GPC4: variants seen among roughly 807,000 people sequenced by gnomAD.
GPC4 encodes the protein glypican-4.
A neutral mutation model predicts 35.0 loss-of-function variants in GPC4; 10 were observed. The observed-to-expected ratio is 0.29, with a 90% CI of 0.18 to 0.48. The LOEUF (loss-of-function observed/expected upper bound fraction) is 0.48, where lower values mean the gene tolerates loss of function less well. GPC4 is among the 20% of genes least tolerant of loss of function. The probability of loss-of-function intolerance (pLI) is 0.99; values close to 1 mark genes in which losing one functional copy is unlikely to be tolerated. For missense variants in GPC4, 322 were observed against 451.3 expected (o/e 0.71, Z 2.60); for synonymous variants, 167 against 170.2 (o/e 0.98, Z 0.15).
At chrX:133,339,907 A>G (rs1442939828) in intron 1 of GPC4, among the ~76,000 whole-genome samples, 1 of 112,350 alleles carries the variant, frequency 8.9e-6, no homozygotes, top group African/African-American at 3.2e-5. Flanking sequence ...AGCCTATGAT[A>G]AATCACAAAG....
chrX:133,414,569 G>A, intron 1 of GPC4: 5 of 753,820 alleles, frequency 6.6e-6, no homozygotes, highest in Non-Finnish European at 7.8e-6. Context: ...TGGGCAACCC[G>A]GCGGCGCCCC....
chrX:133,372,499 T>C (rs2068617123), intron 1 of GPC4, among the ~76,000 whole-genome samples: 1 of 110,884 alleles, frequency 9.0e-6, no homozygotes, highest in Non-Finnish European at 1.9e-5. Flanking sequence ...TCCATCTGCC[T>C]TGATAGTTGA....
chrX:133,352,969 T>C (rs759339333), intron 1 of GPC4, among the ~76,000 whole-genome samples: 36 of 111,921 alleles, frequency 3.2e-4, no homozygotes, highest in Middle Eastern at 4.6e-3. Context: ...ACTTATGACA[T>C]AAAAAAATTT....
intron 1 of GPC4, among the ~76,000 whole-genome samples, chrX:133,378,044 A>G (rs1202730325): frequency 9.2e-6 from 1 of 108,335 alleles, no homozygotes; most frequent in Non-Finnish European, 1.9e-5. Flanking sequence ...ACAGGTGTGC[A>G]CCACCACACC....
intron 1 of GPC4, among the ~76,000 whole-genome samples, chrX:133,342,318 C>T (rs1401330075): frequency 1.8e-5 from 2 of 110,596 alleles, no homozygotes; most frequent in African/African-American, 6.6e-5. Context: ...ATTACAGGCG[C>T]GAGCCACCAT....
At chrX:133,401,551 C>G (rs2068767876) in intron 1 of GPC4, among the ~76,000 whole-genome samples, 1 of 112,121 alleles carries the variant, frequency 8.9e-6, no homozygotes, top group African/African-American at 3.2e-5. Context: ...ATTCAGATTA[C>G]AAGAAAATTG....
intron 3 of GPC4, among the ~76,000 whole-genome samples, chrX:133,323,631 G>A (rs1384336432): frequency 2.7e-5 from 3 of 112,514 alleles, no homozygotes; most frequent in African/African-American, 9.7e-5. Context: ...CAACAGCAGT[G>A]TAGTCCACAC....
intron 1 of GPC4, among the ~76,000 whole-genome samples, chrX:133,358,144 G>T (rs1424474754): frequency 8.9e-6 from 1 of 111,872 alleles, no homozygotes; most frequent in Admixed American, 9.5e-5. Context: ...TTTTGAAATG[G>T]TTCTGTTATG....
intron 1 of GPC4, among the ~76,000 whole-genome samples, chrX:133,395,492 T>C (rs1445051546): frequency 2.7e-5 from 3 of 110,611 alleles, no homozygotes; most frequent in Non-Finnish European, 3.8e-5. Flanking sequence ...GGTATGGTGG[T>C]GCATGCCTGT....
At chrX:133,312,629 AAAAG>A (rs371909855) in intron 3 of GPC4, among the ~76,000 whole-genome samples, 152 of 103,234 alleles carry the variant, frequency 1.5e-3, no homozygotes, top group Non-Finnish European at 2.5e-3. Flanking sequence ...ACTCTGTCTC[AAAAG>A]AAAGAAAGAA....
At chrX:133,393,148 T>G (rs1439302847) in intron 1 of GPC4, among the ~76,000 whole-genome samples, 1 of 112,125 alleles carries the variant, frequency 8.9e-6, no homozygotes, top group Non-Finnish European at 1.9e-5. Context: ...TATTACGAGC[T>G]CCTCCTTTTA....
intron 1 of GPC4, among the ~76,000 whole-genome samples, chrX:133,358,760 T>C (rs752934748): frequency 9.0e-6 from 1 of 111,291 alleles, no homozygotes; most frequent in Non-Finnish European, 1.9e-5. Flanking sequence ...TCTGTCAGTT[T>C]ATCACCGGAT....
chrX:133,397,832 G>A (rs1399339288), intron 1 of GPC4, among the ~76,000 whole-genome samples: 4 of 111,603 alleles, frequency 3.6e-5, no homozygotes, highest in Non-Finnish European at 5.7e-5. Flanking sequence ...AGGCCAAGGC[G>A]GGCAGATCAC....
chrX:133,341,432 A>G (rs1381214788), intron 1 of GPC4, among the ~76,000 whole-genome samples: 1 of 112,440 alleles, frequency 8.9e-6, no homozygotes, highest in African/African-American at 3.2e-5. Context: ...TAAAATTTTT[A>G]AAGATTGCTA....
At chrX:133,394,485 G>C (rs1298236622) in intron 1 of GPC4, among the ~76,000 whole-genome samples, 1 of 110,542 alleles carries the variant, frequency 9.0e-6, no homozygotes, top group East Asian at 2.8e-4. Context: ...GAGTTGATCA[G>C]GGCAAGGAGA....
intron 1 of GPC4, among the ~76,000 whole-genome samples, chrX:133,373,900 A>G (rs931709153): frequency 4.5e-5 from 5 of 111,256 alleles, no homozygotes; most frequent in African/African-American, 1.6e-4. Context: ...CTGGGCCCTC[A>G]AAACATCACT....
intron 3 of GPC4, among the ~76,000 whole-genome samples, chrX:133,322,937 T>G (rs960657540): frequency 2.7e-5 from 3 of 111,429 alleles, no homozygotes; most frequent in Non-Finnish European, 5.7e-5. Flanking sequence ...CATGGAAAGG[T>G]AGAGGTGGTG....
At chrX:133,410,012 C>G (rs1049417924) in intron 1 of GPC4, among the ~76,000 whole-genome samples, 1 of 71,327 alleles carries the variant, frequency 1.4e-5, no homozygotes, top group Non-Finnish European at 2.2e-5. Context: ...CCTCAGAAAC[C>G]CTCATTGGCT....
At chrX:133,394,068 G>A (rs1401249837) in intron 1 of GPC4, among the ~76,000 whole-genome samples, 1 of 110,492 alleles carries the variant, frequency 9.1e-6, no homozygotes, top group East Asian at 2.9e-4. Context: ...GTCAGGAGTT[G>A]GAGACCAGCC....
Sources: allele counts gnomAD v4.1 joint callset (sites outside exome capture counted in the v4.1 genomes callset), GRCh38; gene constraint gnomAD v4.1.1; transcripts MANE v1.5; gene names NCBI Gene and HGNC (gene_info 2026-07-23, HGNC 2026-07-21).